The following OLAH variants were observed in gnomAD, a reference collection of about 807,000 sequenced individuals.
The protein encoded by OLAH is S-acyl fatty acid synthase thioesterase, medium chain.
In OLAH, 33 loss-of-function variants were observed where a neutral mutation model predicts 27.8. The observed-to-expected ratio is 1.19, with a 90% CI of 0.90 to 1.59. OLAH has a LOEUF of 1.59. Among genes scored for constraint, OLAH ranks in the 40% most tolerant of loss-of-function variants. The pLI, the probability that OLAH is intolerant of heterozygous loss-of-function variation, is 0.00. For synonymous variants in OLAH, 120 were observed against 102.9 expected (o/e 1.17, Z -1.01); for missense variants, 359 against 310.8 (o/e 1.16, Z -1.17).
intron 1 of OLAH, among the ~76,000 whole-genome samples, chr10:15,033,115 G>A (rs930486974): frequency 1.3e-5 from 2 of 151,598 alleles, no homozygotes; most frequent in African/African-American, 2.4e-5. Flanking sequence ...GACCTAAAGC[G>A]ATCCACCTGC....
intron 6 of OLAH, among the ~76,000 whole-genome samples, chr10:15,071,085 G>C (rs1844577698): frequency 6.6e-6 from 1 of 151,996 alleles, no homozygotes; most frequent in South Asian, 2.1e-4. Context: ...ACCTGACCTA[G>C]CCATTAATTT....
intron 1 of OLAH, among the ~76,000 whole-genome samples, chr10:15,046,561 G>C (rs1212473276): frequency 6.6e-6 from 1 of 151,676 alleles, no homozygotes; most frequent in Admixed American, 6.6e-5. Context: ...TTCATCTCCC[G>C]GGTTCAAGCG....
At position 15,047,200 on chromosome 10, in the gene OLAH, C is replaced by T. The variant is rs1359729277; in HGVS notation, c.-89C>T. ...ACTCTTCTGTGTGCATAAGGCCGAGCAGAGGTTCTTCGTCTCAAGAGGAAC... is the reference window on the plus strand; with the variant it reads ...ACTCTTCTGTGTGCATAAGGCCGAGTAGAGGTTCTTCGTCTCAAGAGGAAC... On this transcript the variant is annotated 5_prime_UTR_variant, in exon 2 of 8. Coordinates refer to ENST00000378228, the MANE Select transcript of OLAH (RefSeq NM_001039702.3). 1 of 1,357,064 alleles carries T rather than the reference C, an allele frequency of 7.4e-7. No individual in the cohort carries two copies. Among genetic ancestry groups the T allele is most frequent in the Non-Finnish European group, 1.0e-6 (1 of 970,256 alleles). 84.1% of individuals were successfully genotyped at this position (1,357,064 alleles called of 1,614,324 possible).
intron 3 of OLAH, among the ~76,000 whole-genome samples, chr10:15,050,261 A>T (rs999022003): frequency 6.6e-6 from 1 of 152,026 alleles, no homozygotes; most frequent in African/African-American, 2.4e-5. Context: ...CTATAATAAT[A>T]ATTATTTATT....
chr10:15,048,779 C>T (rs954187328), intron 2 of OLAH, among the ~76,000 whole-genome samples: 1 of 152,046 alleles, frequency 6.6e-6, no homozygotes, highest in African/African-American at 2.4e-5. Context: ...GACTATTTCA[C>T]CTACATCCCT....
chr10:15,072,082 G>A lies in OLAH; in HGVS notation c.655+205G>A, dbSNP rs529739251. 2.2e-4 allele frequency among the ~76,000 whole-genome samples: 34 copies of A among 151,922 alleles called. No individual in the cohort carries two copies. The East Asian group carries it at 3.3e-3, about 15-fold the overall frequency. ...CTGAGTAGCTGGGATTACAGGTGCC[G>A]GCCACCATACCCGGCTATTTTTTGT... On this transcript the variant is annotated intron_variant, in intron 7 of 7. Transcript: ENST00000378228.
At chr10:15,049,542 A>G (rs1844090791) in intron 2 of OLAH, 93 bp from the exon 3 acceptor site, 15 of 858,402 alleles carry the variant, frequency 1.7e-5, no homozygotes, top group African/African-American at 5.3e-5. Context: ...GTTTCTTATA[A>G]TTAATAAAGA....
chr10:15,056,751 C>T (rs1844253051), intron 3 of OLAH: 1 of 1,281,352 alleles, frequency 7.8e-7, no homozygotes, highest in Non-Finnish European at 9.9e-7. Flanking sequence ...CCACCTCAGC[C>T]TCCTGAGTAG....
intron 3 of OLAH, chr10:15,057,040 G>A (rs924806307): frequency 7.5e-7 from 1 of 1,332,200 alleles, no homozygotes; most frequent in African/African-American, 1.5e-5. Flanking sequence ...TTTTAATGTG[G>A]TGTCTTCTGA....
intron 3 of OLAH, among the ~76,000 whole-genome samples, chr10:15,051,072 A>AT (rs1274385420): frequency 2.5e-4 from 15 of 60,618 alleles, no homozygotes; most frequent in African/African-American, 1.2e-3. Context: ...TATTATTATT[A>AT]TTATTATTTT....
In OLAH at chr10:15,073,376, G is replaced by T. The variant is rs1274513584; in HGVS notation, c.*147G>T. The T allele has an allele frequency of 8.0e-6, 5 of 623,552 alleles. No homozygotes were observed. The highest frequency in any genetic ancestry group is 1.3e-5 in the Non-Finnish European group (5 of 372,428). The allele number at this position is 623,552 out of a possible 1,614,324, so 38.6% of individuals were successfully genotyped here. A position where few individuals can be genotyped will look rare whatever the true frequency, so the allele number is the denominator to read the frequency against. ...TACATAAATATATTTACGTATCTGG[G>T]GACAAAGGTCAAGCCAGTAAAGAAT... On this transcript the variant is annotated 3_prime_UTR_variant, in exon 8 of 8. Transcript: ENST00000378228.
At chr10:15,065,326 C>T (rs531551476) in intron 5 of OLAH, among the ~76,000 whole-genome samples, 2 of 152,344 alleles carry the variant, frequency 1.3e-5, no homozygotes, top group South Asian at 4.1e-4. Context: ...CCCACTTCAT[C>T]TGGAGAAAGA....
chr10:15,072,761 AG>A (rs1219021476), intron 7 of OLAH, among the ~76,000 whole-genome samples: 2 of 151,032 alleles, frequency 1.3e-5, no homozygotes, highest in African/African-American at 2.4e-5. Context: ...TCCTGGCCAG[AG>A]GGGGGTTATC....
upstream of OLAH, among the ~76,000 whole-genome samples, chr10:15,038,949 G>T (rs1394355502): frequency 6.6e-6 from 1 of 152,176 alleles, no homozygotes; most frequent in Non-Finnish European, 1.5e-5. Flanking sequence ...CAGGCTGGGT[G>T]CAGTGGTTCA....
intron 3 of OLAH, 81 bp downstream of exon 3, chr10:15,049,846 A>T: frequency 7.3e-7 from 1 of 1,362,904 alleles, no homozygotes; most frequent in African/African-American, 1.5e-5. Context: ...TTTGGTCAAG[A>T]CTTTCCTTCC....
chr10:15,064,204 A>C (rs1844421756), intron 4 of OLAH, among the ~76,000 whole-genome samples, 199 bp from the exon 5 acceptor site: 1 of 152,230 alleles, frequency 6.6e-6, no homozygotes, highest in South Asian at 2.1e-4. Context: ...TCTTAGAGTG[A>C]ATTATCTAGG....
At chr10:15,042,104 C>A (rs1369697041), upstream of OLAH, among the ~76,000 whole-genome samples, 4 of 151,986 alleles carry the variant, frequency 2.6e-5, no homozygotes, top group African/African-American at 9.7e-5. Context: ...TGCACAACTC[C>A]CAACCCCTGA....
chr10:15,039,575 C>A (rs1843890128), upstream of OLAH, among the ~76,000 whole-genome samples: 1 of 151,854 alleles, frequency 6.6e-6, no homozygotes, highest in Non-Finnish European at 1.5e-5. Context: ...AAAACTTTGC[C>A]TCAAAAAAAA....
chr10:15,065,474 T>A (rs962619209), intron 5 of OLAH, 110 bp from the exon 6 acceptor site: 1 of 1,161,514 alleles, frequency 8.6e-7, no homozygotes. Flanking sequence ...TAAAGCAGTC[T>A]ACTTCCCAGC....
Sources: gnomAD v4.1 joint callset for allele counts (sites outside exome capture counted in the v4.1 genomes callset) on GRCh38, gnomAD v4.1.1 for gene constraint, MANE v1.5 for transcripts, NCBI Gene and HGNC (gene_info 2026-07-23, HGNC 2026-07-21) for gene names.